MGAT1: variants seen among roughly 807,000 people sequenced by gnomAD.
MGAT1 encodes the protein N-glycosyl-oligosaccharide-glycoprotein N-acetylglucosaminyltransferase I.
In MGAT1, 14 loss-of-function variants were observed where a neutral mutation model predicts 31.7. That is an observed-to-expected ratio of 0.44 (90% CI 0.29 to 0.69). MGAT1 has a LOEUF of 0.69. MGAT1 is among the 30% of genes least tolerant of loss of function. MGAT1 has a pLI of 0.12. For missense variants in MGAT1, 557 were observed against 626.0 expected, an observed-to-expected ratio of 0.89 and a Z score of 1.18; for synonymous variants, 338 against 276.0, an observed-to-expected ratio of 1.22 and a Z score of -2.23.
At position 180,791,480 on chromosome 5, in the gene MGAT1, T is replaced by C. The variant is rs1190026476; in HGVS notation, c.*154A>G. On this transcript the variant is annotated 3_prime_UTR_variant, in exon 2 of 2. Transcript: ENST00000307826. ...CTTGAGAACGGGAGAATAATCCTCT[T>C]GTTATCATTTGTGCACTTAAATGCC... The C allele has an allele frequency of 2.3e-6, 2 of 865,908 alleles. No individual in the cohort carries two copies. Among genetic ancestry groups the C allele is most frequent in the Non-Finnish European group, 3.6e-6 (2 of 560,358 alleles). 53.6% of individuals were successfully genotyped at this position (865,908 alleles called of 1,614,324 possible).
At chr5:180,805,414 C>G (rs1186080020), upstream of MGAT1, among the ~76,000 whole-genome samples, 1 of 152,216 alleles carries the variant, frequency 6.6e-6, no homozygotes, top group Non-Finnish European at 1.5e-5. Context: ...GGAAAGAATT[C>G]ATGCCCTTAA....
rs1767957550 is a variant in MGAT1, at chr5:180,790,897, G to A, written c.*737C>T. 6.6e-6 allele frequency: 1 copy of A among 152,376 alleles called. No individual in the cohort carries two copies. Among genetic ancestry groups the A allele is most frequent in the African/African-American group, 2.4e-5 (1 of 41,444 alleles). The allele number at this position is 152,376 out of a possible 1,614,324, so 9.4% of individuals were successfully genotyped here. A position where few individuals can be genotyped will look rare whatever the true frequency, so the allele number is the denominator to read the frequency against. On this transcript the variant is annotated 3_prime_UTR_variant, in exon 2 of 2. Transcript: ENST00000307826. ...GGGCACTGATTTTCAGAAAGGAGGG[G>A]TCAGGGCATAGTCCCTCTCTGAGGT...
chr5:180,809,841 C>G (rs1462088511), intron 1 of MGAT1: 1 of 150,626 alleles, frequency 6.6e-6, no homozygotes, highest in East Asian at 2.0e-4. Context: ...CACTCTCTCT[C>G]TCCTTTCCTT....
At position 180,792,908 on chromosome 5, in the gene MGAT1, C is replaced by T. The variant is rs775578616; in HGVS notation, c.64G>A (p.Ala22Thr). The part of the protein sequence containing the change: ...WGAILFVAWN[A>T]LLLLFFWTRP... ...GTCCAGAAGAAGAGGAGCAGCAGGG[C>T]ATTCCAGGCCACAAAGAGGATAGCG... Residue 22 changes from alanine to threonine, a missense_variant, in exon 2 of 2, where the codon GCC becomes ACC. This residue lies in a region of MGAT1 where 167 missense variants were observed against 149.8 expected (regional missense o/e 1.11). Coordinates refer to ENST00000307826, the MANE Select transcript of MGAT1 (RefSeq NM_002406.4). The T allele has an allele frequency of 2.4e-5, 39 of 1,611,244 alleles. No homozygotes were observed. The highest frequency in any genetic ancestry group is 3.2e-5 in the Non-Finnish European group (38 of 1,179,198).
chr5:180,812,295 T>C (rs762530799), intron 1 of MGAT1, among the ~76,000 whole-genome samples: 4 of 152,230 alleles, frequency 2.6e-5, no homozygotes, highest in African/African-American at 9.6e-5. Context: ...CATGGAAATA[T>C]ATGAACATAG....
chr5:180,797,155 C>T (rs184649043), intron 1 of MGAT1, among the ~76,000 whole-genome samples: 92 of 152,232 alleles, frequency 6.0e-4, no homozygotes, highest in Middle Eastern at 3.4e-3. Context: ...AGCCTGTAAT[C>T]CCAGCGCTTT....
At chr5:180,800,256 C>T (rs560525407) in intron 1 of MGAT1, among the ~76,000 whole-genome samples, 1 of 152,360 alleles carries the variant, frequency 6.6e-6, no homozygotes, top group African/African-American at 2.4e-5. Context: ...CCACTCATGT[C>T]TCCTTCCTTA....
Position 180,793,072 on chromosome 5 carries a change from T to C in MGAT1, c.-101A>G. 7.1e-7 allele frequency: 1 copy of C among 1,408,038 alleles called. No homozygotes were observed. The allele number at this position is 1,408,038 out of a possible 1,614,324, so 87.2% of individuals were successfully genotyped here. ...AGTCCTAGGGATGCCTCCTCTGGACTATGGGATTAGGAGGCAGCCATGCAC... is the reference window on the plus strand; with the variant it reads ...AGTCCTAGGGATGCCTCCTCTGGACCATGGGATTAGGAGGCAGCCATGCAC... On this transcript the variant is annotated 5_prime_UTR_variant, in exon 2 of 2. In the 5' UTR this introduces an upstream ATG that the reference lacks. Transcript: ENST00000307826.
Position 180,785,675 on chromosome 5 carries a change from T to G in MGAT1, c.*5959A>C, listed in dbSNP as rs775796419. The G allele has an allele frequency of 1.1e-4, 16 of 152,372 alleles. No individual in the cohort carries two copies. Among genetic ancestry groups the G allele is most frequent in the Non-Finnish European group, 1.9e-4 (13 of 68,124 alleles). 9.4% of individuals were successfully genotyped at this position (152,372 alleles called of 1,614,324 possible). ...CAGCCCCATTCCGCTGCCAGCGTCC[T>G]GCAGGCCCCTCCTCAGGGAAGGCCC... On this transcript the variant is annotated 3_prime_UTR_variant, in exon 2 of 2. Coordinates refer to ENST00000307826, the MANE Select transcript of MGAT1 (RefSeq NM_002406.4).
At position 180,800,567 on chromosome 5, in the gene MGAT1, G is replaced by A. The variant is rs150616344; in HGVS notation, c.-127+2113C>T. Among the ~76,000 whole-genome samples, 89 of 152,298 alleles carry A rather than the reference G, an allele frequency of 5.8e-4. 1 individual carries two copies. The East Asian group carries it at 0.015, about 26-fold the overall frequency. On this transcript the variant is annotated intron_variant, in intron 1 of 1. Coordinates refer to ENST00000307826, the MANE Select transcript of MGAT1 (RefSeq NM_002406.4). ...CTCTATGTGGCCTGGAAATGTCCTG[G>A]AAGTGGTGGCTGCATTCCAAAGGTG...
rs369368817 is a variant in MGAT1, at chr5:180,807,905, C to T, written c.-127+743G>A. The stretch of plus-strand genomic sequence containing the variant: ...GAGTTGTTTCTGTGCTTTTAAGGCA[C>T]GTAGAGCAACATCGATGTTATTGTT... On this transcript the variant is annotated intron_variant, in intron 2 of 2. Coordinates refer to the MGAT1 transcript ENST00000333055. 7.2e-5 allele frequency among the ~76,000 whole-genome samples: 11 copies of T among 152,306 alleles called. No homozygotes were observed. In the East Asian group the frequency reaches 1.7e-3, roughly 24 times the overall value.
Position 180,792,465 on chromosome 5 carries a change from G to C in MGAT1, c.507C>G (p.Ser169Arg), listed in dbSNP as rs199977607. The C allele has an allele frequency of 6.2e-7, 1 of 1,612,850 alleles. No homozygotes were observed. Among genetic ancestry groups the C allele is most frequent in the African/African-American group, 1.3e-5 (1 of 75,072 alleles). Residue 169 changes from serine (S) to arginine (R), a missense_variant, in exon 2 of 2, where the codon AGC becomes AGG. By Grantham distance (110) the Ser-to-Arg change is moderately radical. Around this residue, in one of 3 missense-constraint regions of MGAT1, gnomAD observed 245 missense variants for 332.9 expected, o/e 0.74. Transcript: ENST00000307826. ...TGCGGTGGTCCGGCGGCACCGCAAT[G>C]CTGCTCAGGTCGGGCTGCCGGATGT... is the stretch of plus-strand genomic sequence containing the variant. ...VTHIRQPDLS[S>R]IAVPPDHRKF...
intron 1 of MGAT1, among the ~76,000 whole-genome samples, chr5:180,797,407 A>AT: frequency 1.5e-5 from 1 of 66,416 alleles, no homozygotes; most frequent in Non-Finnish European, 2.7e-5. Context: ...ATCCCCCACC[A>AT]AAAAAAAAAA....
rs1767749983 is a variant in MGAT1 at position 180,788,719 on chromosome 5, A to G, written c.*2915T>C. ...AGTAAGTTGGTACTTATCCTGGAGC[A>G]CTAAGTAAGTTGGTACTTATCCTGG... On this transcript the variant is annotated 3_prime_UTR_variant, in exon 2 of 2. Coordinates refer to ENST00000307826, the MANE Select transcript of MGAT1 (RefSeq NM_002406.4). 1 of 141,476 alleles carries G rather than the reference A, an allele frequency of 7.1e-6. No individual in the cohort carries two copies. Among genetic ancestry groups the G allele is most frequent in the Non-Finnish European group, 1.6e-5 (1 of 64,352 alleles). The allele number at this position is 141,476 out of a possible 1,614,324, so 8.8% of individuals were successfully genotyped here.
upstream of MGAT1, among the ~76,000 whole-genome samples, chr5:180,806,779 C>G (rs1013414483): frequency 6.6e-6 from 1 of 152,188 alleles, no homozygotes; most frequent in African/African-American, 2.4e-5. Flanking sequence ...AGAAGCATTA[C>G]GCAAATACGC....
rs1767474103 is a variant in MGAT1, at chr5:180,784,945, G to A, written c.*6689C>T. 6.6e-6 allele frequency: 1 copy of A among 152,178 alleles called. No homozygotes were observed. Among genetic ancestry groups the A allele is most frequent in the African/African-American group, 2.4e-5 (1 of 41,426 alleles). The allele number at this position is 152,178 out of a possible 1,614,324, so 9.4% of individuals were successfully genotyped here. ...ATTATACGGTATATATTTGCCGTGTGGCAAAATATTCCTCGTTGGATCATG... is the reference window on the plus strand; with the variant it reads ...ATTATACGGTATATATTTGCCGTGTAGCAAAATATTCCTCGTTGGATCATG... On this transcript the variant is annotated 3_prime_UTR_variant, in exon 2 of 2. Transcript: ENST00000307826.
At position 180,792,015 on chromosome 5, in the gene MGAT1, C is replaced by G. The variant is rs1768210889; in HGVS notation, c.957G>C (p.Val319=). Residue 319 remains valine, a synonymous_variant, in exon 2 of 2, where the codon GTG becomes GTC. Transcript: ENST00000307826. ...SRTMTFGRKG[V]SHGQFFDQHL... Reference sequence around the variant, plus strand: ...GCTGGTCAAAGAACTGCCCGTGGCTCACACCCTTGCGGCCAAAGGTCATCG... The same window carrying G: ...GCTGGTCAAAGAACTGCCCGTGGCTGACACCCTTGCGGCCAAAGGTCATCG... The G allele has an allele frequency of 2.5e-6, 4 of 1,614,040 alleles. No homozygotes were observed. Among genetic ancestry groups the G allele is most frequent in the Non-Finnish European group, 3.4e-6 (4 of 1,180,054 alleles).
intron 1 of MGAT1, chr5:180,795,281 A>G (rs961345298): frequency 8.1e-6 from 1 of 123,480 alleles, no homozygotes; most frequent in African/African-American, 2.7e-5. Flanking sequence ...TTACAGGTAT[A>G]TATATATATA....
At position 180,800,735 on chromosome 5, in the gene MGAT1, C is replaced by T. The variant is rs1252588966; in HGVS notation, c.-127+1945G>A. 2.0e-5 allele frequency among the ~76,000 whole-genome samples: 3 copies of T among 152,352 alleles called. No homozygotes were observed. In the East Asian group the frequency reaches 5.8e-4, roughly 29 times the overall value. ...GGGGAGAGAATCATAAACCCCACCA[C>T]TAGGTGGGAAGTGGACAATGTCAAA... On this transcript the variant is annotated intron_variant, in intron 1 of 1. Coordinates refer to ENST00000307826, the MANE Select transcript of MGAT1 (RefSeq NM_002406.4).
Sources: gnomAD v4.1 joint callset for allele counts (sites outside exome capture counted in the v4.1 genomes callset) on GRCh38, gnomAD v4.1.1 for gene constraint, gnomAD v4.1.1 regional missense constraint, MANE v1.5 for transcripts, NCBI Gene and HGNC (gene_info 2026-07-23, HGNC 2026-07-21) for gene names.